The following STAT4 variants were observed in gnomAD, a reference collection of about 807,000 sequenced individuals.
The protein encoded by STAT4 is signal transducer and activator of transcription 4.
STAT4 carries 42 observed loss-of-function variants against 110.5 expected under a neutral mutation model. The observed-to-expected ratio is 0.38, with a 90% CI of 0.30 to 0.49. The LOEUF is 0.49. Ranked by LOEUF, STAT4 falls within the 20% of genes least tolerant of loss-of-function variation. STAT4 has a pLI of 0.95. For synonymous variants in STAT4, 284 were observed against 302.2 expected (o/e 0.94, Z 0.63); for missense variants, 632 against 887.9 (o/e 0.71, Z 3.66).
rs190633102 is a variant in STAT4, at chr2:191,113,959, G to C, written c.273+32654C>G. On this transcript the variant is annotated intron_variant, in intron 3 of 23. Coordinates refer to ENST00000392320, the MANE Select transcript of STAT4 (RefSeq NM_003151.4). The surrounding 1 kb of genome is among the most constrained non-coding windows in gnomAD (Gnocchi z 4.8). ...ACAGGAGGTTCCCCTAGAGTTTATG[G>C]CTGATCAAATCTGATGTTTAAAATA... 6.6e-6 allele frequency among the ~76,000 whole-genome samples: 1 copy of C among 152,244 alleles called. No homozygotes were observed. Among genetic ancestry groups the C allele is most frequent in the Admixed American group, 6.5e-5 (1 of 15,278 alleles).
At chr2:191,123,520 C>A (rs1176784867) in intron 3 of STAT4, among the ~76,000 whole-genome samples, 1 of 152,194 alleles carries the variant, frequency 6.6e-6, no homozygotes, top group Non-Finnish European at 1.5e-5. Context: ...TGCTTCTCCA[C>A]TCATGAGGGG....
rs369743627 is a variant in STAT4 at position 191,069,784 on chromosome 2, G to T, written c.466-13C>A. On this transcript the variant is annotated splice_polypyrimidine_tract_variant and intron_variant, in intron 5 of 23. Transcript: ENST00000392320. ...CTTGTTCTGTCATCTTTTCACAAAA[G>T]AAAACATACTCACTCTGCTGTCACA... is the stretch of plus-strand genomic sequence containing the variant. 2.5e-6 allele frequency: 4 copies of T among 1,590,128 alleles called. No homozygotes were observed. The highest frequency in any genetic ancestry group is 3.4e-6 in the Non-Finnish European group (4 of 1,165,412).
rs920410867 is a variant in STAT4 at position 191,035,767 on chromosome 2, C to G, written c.1570+397G>C. Among the ~76,000 whole-genome samples, 1 of 152,140 alleles carries G rather than the reference C, an allele frequency of 6.6e-6. No homozygotes were observed. The highest frequency in any genetic ancestry group is 2.4e-5 in the African/African-American group (1 of 41,426). On this transcript the variant is annotated intron_variant, in intron 17 of 23. Transcript: ENST00000392320. This position sits in a 1 kb window ranked among gnomAD's most constrained non-coding sequence, Gnocchi z 4.7. Reference sequence around the variant, plus strand: ...ATGTCAATTGAGACGTTCGTATGAACGATCATATGAGGCACCATTAAGGGT... The same window carrying G: ...ATGTCAATTGAGACGTTCGTATGAAGGATCATATGAGGCACCATTAAGGGT...
In STAT4 at chr2:191,030,724, G is replaced by T. The variant is rs1406229398; in HGVS notation, c.2220+248C>A. 7.4e-6 allele frequency: 3 copies of T among 403,142 alleles called. No homozygotes were observed. Among genetic ancestry groups the T allele is most frequent in the Non-Finnish European group, 1.4e-5 (3 of 215,824 alleles). 25.0% of individuals were successfully genotyped at this position (403,142 alleles called of 1,614,324 possible). On this transcript the variant is annotated intron_variant, in intron 23 of 23. Transcript: ENST00000392320. The surrounding 1 kb of genome is among the most constrained non-coding windows in gnomAD (Gnocchi z 4.4). Reference sequence around the variant, plus strand: ...CTTGAGTAGGGTATAGGAATATTTTGCCCTCTGGTGGTTTCTGGTGGAAAC... The same window carrying T: ...CTTGAGTAGGGTATAGGAATATTTTTCCCTCTGGTGGTTTCTGGTGGAAAC...
chr2:191,149,157 G>A (rs1186085951), intron 1 of STAT4, among the ~76,000 whole-genome samples: 1 of 152,060 alleles, frequency 6.6e-6, no homozygotes, highest in East Asian at 1.9e-4. Flanking sequence ...TCTAAGTCAA[G>A]TAAAAACACC....
In STAT4 at chr2:191,077,453, T is replaced by C. The variant is rs1697348089; in HGVS notation, c.274-1128A>G. Among the ~76,000 whole-genome samples the C allele has an allele frequency of 6.6e-6, 1 of 152,134 alleles. No homozygotes were observed. On this transcript the variant is annotated intron_variant, in intron 3 of 23. Transcript: ENST00000392320. The surrounding 1 kb of genome is among the most constrained non-coding windows in gnomAD (Gnocchi z 4.1). ...AGGGCAGGATTAACAGGAAGCACAG[T>C]AGAAAAATGCATTTATTTAGTTTCC...
chr2:191,064,027 T>C (rs1288090219), intron 8 of STAT4, among the ~76,000 whole-genome samples: 2 of 152,244 alleles, frequency 1.3e-5, no homozygotes, highest in African/African-American at 4.8e-5. Flanking sequence ...ATTTATGACA[T>C]GGAAAACCCT....
At chr2:191,055,171 T>A (rs1696645451) in intron 13 of STAT4, among the ~76,000 whole-genome samples, 1 of 151,992 alleles carries the variant, frequency 6.6e-6, no homozygotes, top group Non-Finnish European at 1.5e-5. Flanking sequence ...AGTGGTGGAA[T>A]TATAGGTGAC....
intron 3 of STAT4, among the ~76,000 whole-genome samples, chr2:191,133,681 A>G (rs748582181): frequency 1.8e-4 from 27 of 151,658 alleles, no homozygotes; most frequent in Non-Finnish European, 3.1e-4. Flanking sequence ...TATTTTTCTT[A>G]AGTCATTCTA....
rs1016498172 is a variant in STAT4, at chr2:191,033,683, A to G, written c.1716-57T>C. 71 of 1,586,496 alleles carry G rather than the reference A, an allele frequency of 4.5e-5. No homozygotes were observed. The highest frequency in any genetic ancestry group is 6.0e-5 in the Non-Finnish European group (70 of 1,168,020). On this transcript the variant is annotated intron_variant, in intron 19 of 23. Transcript: ENST00000392320. The surrounding 1 kb of genome is among the most constrained non-coding windows in gnomAD (Gnocchi z 6.9). ...TCATTATTGGATTTTCACTTATTGCATTTACAAAGACCTACAGTTTGTTTT... is the reference window on the plus strand; with the variant it reads ...TCATTATTGGATTTTCACTTATTGCGTTTACAAAGACCTACAGTTTGTTTT...
chr2:191,031,362 C>T lies in STAT4; in HGVS notation c.2111+88G>A. On this transcript the variant is annotated intron_variant, in intron 22 of 23. Coordinates refer to ENST00000392320, the MANE Select transcript of STAT4 (RefSeq NM_003151.4). This position sits in a 1 kb window ranked among gnomAD's most constrained non-coding sequence, Gnocchi z 4.8. ...ACATTGCACATTACAATGCTTTGTT[C>T]TCAGTTATGTGTACTCTGCTCTACC... 12 of 1,330,216 alleles carry T rather than the reference C, an allele frequency of 9.0e-6. No individual in the cohort carries two copies. The highest frequency in any genetic ancestry group is 1.1e-5 in the Non-Finnish European group (11 of 958,882). 82.4% of individuals were successfully genotyped at this position (1,330,216 alleles called of 1,614,324 possible).
Position 191,030,088 on chromosome 2 carries a change from G to A in STAT4, c.2221-222C>T, listed in dbSNP as rs1027276445. 6.6e-6 allele frequency among the ~76,000 whole-genome samples: 1 copy of A among 152,118 alleles called. No individual in the cohort carries two copies. The highest frequency in any genetic ancestry group is 1.9e-4 in the East Asian group (1 of 5,196). The stretch of plus-strand genomic sequence containing the variant: ...GACAGAAAAGTGTTTTAAGAAAAAG[G>A]CCTGTTTATCCACCAAAAACATAAT... On this transcript the variant is annotated intron_variant, in intron 23 of 23. Transcript: ENST00000392320. This position sits in a 1 kb window ranked among gnomAD's most constrained non-coding sequence, Gnocchi z 4.4.
intron 13 of STAT4, among the ~76,000 whole-genome samples, chr2:191,057,480 A>T (rs767437528): frequency 1.3e-5 from 2 of 152,094 alleles, no homozygotes; most frequent in Non-Finnish European, 2.9e-5. Context: ...TTCATTGTTT[A>T]GAACTCAGAC....
rs148003499 is a variant in STAT4, at chr2:191,058,795, A to C, written c.1035-26T>G. The C allele has an allele frequency of 8.1e-4, 1,162 of 1,439,424 alleles. 11 individuals carry two copies. The African/African-American group carries it at 0.015, about 18-fold the overall frequency. The allele number at this position is 1,439,424 out of a possible 1,614,324, so 89.2% of individuals were successfully genotyped here. The stretch of plus-strand genomic sequence containing the variant: ...CTGGAAAGAGATATCAATAAAAAAA[A>C]TCAAAGATAAAAATTAAAAGTGTTT... On this transcript the variant is annotated intron_variant, in intron 10 of 23. Transcript: ENST00000392320. The surrounding 1 kb of genome is among the most constrained non-coding windows in gnomAD (Gnocchi z 4.3).
In STAT4 at chr2:191,104,043, C is replaced by A. The variant is rs1698212816; in HGVS notation, c.274-27718G>T. 6.6e-6 allele frequency among the ~76,000 whole-genome samples: 1 copy of A among 152,032 alleles called. No individual in the cohort carries two copies. The highest frequency in any genetic ancestry group is 1.5e-5 in the Non-Finnish European group (1 of 67,986). ...TTGCTAAGTGTTCTAGGTATCAAGG[C>A]CTTTGTGATAGCTTTTTGATGTACA... is the stretch of plus-strand genomic sequence containing the variant. On this transcript the variant is annotated intron_variant, in intron 3 of 23. Transcript: ENST00000392320. This position sits in a 1 kb window ranked among gnomAD's most constrained non-coding sequence, Gnocchi z 4.3.
intron 16 of STAT4, 40 bp from the exon 17 acceptor site, chr2:191,036,339 C>A (rs779435026): frequency 2.5e-6 from 4 of 1,605,640 alleles, no homozygotes; most frequent in African/African-American, 1.3e-5. Context: ...AATTATCTTA[C>A]AGTGGGTAGC....
chr2:191,131,071 G>A (rs556576463), intron 3 of STAT4, among the ~76,000 whole-genome samples: 12 of 151,872 alleles, frequency 7.9e-5, no homozygotes, highest in Middle Eastern at 3.4e-3. Flanking sequence ...ACCATAACAA[G>A]TGTAGATGAG....
intron 3 of STAT4, among the ~76,000 whole-genome samples, chr2:191,076,579 C>T (rs957020623): frequency 6.6e-6 from 1 of 151,562 alleles, no homozygotes; most frequent in Non-Finnish European, 1.5e-5. Flanking sequence ...TCTCGAGCAC[C>T]TTTTTAGGAA....
Position 191,064,899 on chromosome 2 carries a change from C to T in STAT4, c.690G>A (p.Met230Ile), listed in dbSNP as rs746059460. The change falls in exon 8 of 24, where the codon ATG becomes ATA. Residue 230 changes from methionine (M) to isoleucine (I), a missense_variant. Physicochemically the swap from Met to Ile is conservative, Grantham distance 10 (BLOSUM62 1). Transcript: ENST00000392320. Reference protein sequence around the residue: ...IHETDLLMNTMLIEELQDWKR... With the variant: ...IHETDLLMNTILIEELQDWKR... ...TCCAGTCTTGCAGCTCTTCTATGAG[C>T]ATGGTGTTCATTAACAGGTCTGTCT... 1.2e-6 allele frequency: 2 copies of T among 1,613,208 alleles called. No individual in the cohort carries two copies. Among genetic ancestry groups the T allele is most frequent in the Non-Finnish European group, 1.7e-6 (2 of 1,179,604 alleles).
Sources: allele counts gnomAD v4.1 joint callset (sites outside exome capture counted in the v4.1 genomes callset), GRCh38; gene constraint gnomAD v4.1.1; non-coding constraint Gnocchi (gnomAD v3.1); transcripts MANE v1.5; gene names NCBI Gene and HGNC (gene_info 2026-07-23, HGNC 2026-07-21).